MAP3K21: variants seen among roughly 807,000 people sequenced by gnomAD.
The protein encoded by MAP3K21 is mitogen-activated protein kinase kinase kinase MLK4.
A neutral mutation model predicts 86.1 loss-of-function variants in MAP3K21; 63 were observed. The ratio of observed to expected loss-of-function variants is 0.73; its 90% confidence interval spans 0.60 to 0.90. The LOEUF (loss-of-function observed/expected upper bound fraction) is 0.90. MAP3K21 is among the 40% of genes least tolerant of loss of function. The pLI is 0.00. For synonymous variants in MAP3K21, 558 were observed against 564.8 expected (o/e 0.99, Z 0.17); for missense variants, 1,220 against 1,367.7 (o/e 0.89, Z 1.70).
At chr1:233,368,304 C>A (rs778166418) in intron 5 of MAP3K21, among the ~76,000 whole-genome samples, 45 of 152,168 alleles carry the variant, frequency 3.0e-4, no homozygotes, top group Middle Eastern at 6.8e-3. Context: ...CTACCACCAC[C>A]TAGTCTAGTC....
intron 3 of MAP3K21, 29 bp from the exon 4 acceptor site, chr1:233,354,807 G>A (rs573178078): frequency 4.1e-6 from 4 of 980,276 alleles, no homozygotes; most frequent in Non-Finnish European, 5.6e-6. Flanking sequence ...GTTGAGAGAT[G>A]GTATTAATGT....
chr1:233,382,123 T>A (rs1044456891), intron 9 of MAP3K21, among the ~76,000 whole-genome samples, 182 bp from the exon 10 acceptor site: 1 of 152,184 alleles, frequency 6.6e-6, no homozygotes, highest in Non-Finnish European at 1.5e-5. Flanking sequence ...CCTTGGTCCT[T>A]AAGGCCAAGA....
chr1:233,334,960 T>TTCC lies in MAP3K21; in HGVS notation c.805+6128_805+6129insCCT, dbSNP rs370294357. 0.016 allele frequency among the ~76,000 whole-genome samples: 890 copies of TTCC among 57,250 alleles called. 20 individuals carry two copies. The East Asian group carries it at 0.27, about 18-fold the overall frequency. 37.6% of individuals were successfully genotyped at this position (57,250 alleles called of 152,430 possible). A position where few individuals can be genotyped will look rare whatever the true frequency, so the allele number is the denominator to read the frequency against. ...CTACATTTTCTCTCTGATTTCTTTC[T>TTCC]TTCTTTTTTTTTTTTATTATACTTT... is the stretch of plus-strand genomic sequence containing the variant. On this transcript the variant is annotated intron_variant, in intron 1 of 9. Coordinates refer to ENST00000366624, the MANE Select transcript of MAP3K21 (RefSeq NM_032435.3).
chr1:233,359,406 C>A (rs996256219), intron 4 of MAP3K21, among the ~76,000 whole-genome samples: 2 of 151,832 alleles, frequency 1.3e-5, no homozygotes, highest in African/African-American at 4.8e-5. Context: ...ATATATAATG[C>A]TTTTTTTTGG....
intron 4 of MAP3K21, among the ~76,000 whole-genome samples, chr1:233,358,513 A>G (rs1470281829): frequency 6.8e-6 from 1 of 146,822 alleles, no homozygotes; most frequent in Non-Finnish European, 1.5e-5. Context: ...TGTTTTCAGG[A>G]ATTCTAAAAT....
chr1:233,379,652 T>A lies in MAP3K21; in HGVS notation c.2646T>A (p.Ser882=). 1 of 1,613,972 alleles carries A rather than the reference T, an allele frequency of 6.2e-7. No individual in the cohort carries two copies. Among genetic ancestry groups the A allele is most frequent in the Non-Finnish European group, 8.5e-7 (1 of 1,180,020 alleles). The change falls in exon 9 of 10, where the codon TCT becomes TCA. Residue 882 remains serine (S), a synonymous_variant. Coordinates refer to ENST00000366624, the MANE Select transcript of MAP3K21 (RefSeq NM_032435.3). ...QTCGNVPYCA[S]SKHRPSHHRR... ...GTGGGAATGTACCTTACTGTGCTTC[T>A]TCAAAACATAGACCGTCACATCACA...
chr1:233,357,679 G>C (rs1663390455), intron 4 of MAP3K21, among the ~76,000 whole-genome samples: 1 of 152,190 alleles, frequency 6.6e-6, no homozygotes, highest in Admixed American at 6.5e-5. Context: ...GAGAGGATGG[G>C]GGAGCCTGGG....
Position 233,328,639 on chromosome 1 carries a change from G to T in MAP3K21, c.611G>T (p.Arg204Leu). The T allele has an allele frequency of 6.9e-7, 1 of 1,442,522 alleles. No individual in the cohort carries two copies. The allele number at this position is 1,442,522 out of a possible 1,614,324, so 89.4% of individuals were successfully genotyped here. A position where few individuals can be genotyped will look rare whatever the true frequency, so the allele number is the denominator to read the frequency against. Residue 204 changes from arginine to leucine, a missense_variant, in exon 1 of 10, where the codon CGC becomes CTC. Physicochemically the swap from Arg to Leu is moderately radical, Grantham distance 102. This residue lies in a region of MAP3K21 where 369 missense variants were observed against 385.3 expected (regional missense o/e 0.96). Coordinates refer to ENST00000366624, the MANE Select transcript of MAP3K21 (RefSeq NM_032435.3). This position sits in a 1 kb window ranked among gnomAD's most constrained non-coding sequence, Gnocchi z 8.7. ...CTCTGCCTGGTGCTGGAGTTCGCCC[G>T]CGGCGGAGCGCTCAACCGAGCGCTG... ...PHLCLVLEFA[R>L]GGALNRALAA...
At chr1:233,375,672 T>C (rs1481154272) in intron 6 of MAP3K21, 1 of 498,910 alleles carries the variant, frequency 2.0e-6, no homozygotes, top group African/African-American at 2.0e-5. Flanking sequence ...AGTAATCAAA[T>C]CTTTGCTGCT....
chr1:233,350,837 G>A (rs963729137), intron 2 of MAP3K21, among the ~76,000 whole-genome samples: 5 of 152,208 alleles, frequency 3.3e-5, no homozygotes, highest in Middle Eastern at 6.8e-3. Context: ...TCAGGAGAGC[G>A]TTTCATTATA....
chr1:233,350,057 C>G (rs75578324), intron 2 of MAP3K21, among the ~76,000 whole-genome samples: 2 of 152,096 alleles, frequency 1.3e-5, no homozygotes, highest in African/African-American at 4.8e-5. Context: ...CTTGGCATCC[C>G]TCTCCCCTCT....
In MAP3K21 at chr1:233,361,069, A is replaced by G. The variant is rs141158789; in HGVS notation, c.1312-984A>G. The stretch of plus-strand genomic sequence containing the variant: ...TGATTTCTTAGCAGAGTAATTTAGA[A>G]TAGAAACTGGTTCAGCACTGCAAAG... On this transcript the variant is annotated intron_variant, in intron 4 of 9. Transcript: ENST00000366624. Among the ~76,000 whole-genome samples, 378 of 152,352 alleles carry G rather than the reference A, an allele frequency of 2.5e-3. 1 individual carries two copies. The highest frequency in any genetic ancestry group is 4.0e-3 in the Non-Finnish European group (271 of 68,032).
chr1:233,354,706 A>T (rs1558456530), intron 3 of MAP3K21, 130 bp from the exon 4 acceptor site: 1 of 736,092 alleles, frequency 1.4e-6, no homozygotes, highest in Non-Finnish European at 2.3e-6. Flanking sequence ...TCAGGAGCAG[A>T]TACTATAAAT....
intron 1 of MAP3K21, among the ~76,000 whole-genome samples, chr1:233,333,948 C>G (rs542053738): frequency 1.9e-4 from 29 of 152,260 alleles, no homozygotes; most frequent in African/African-American, 7.0e-4. Flanking sequence ...CTGCAAGCTC[C>G]GTCTCCCGGG....
intron 1 of MAP3K21, among the ~76,000 whole-genome samples, chr1:233,345,777 G>A (rs1011092774): frequency 5.9e-5 from 9 of 151,264 alleles, no homozygotes; most frequent in African/African-American, 2.2e-4. Context: ...CACATTTGTT[G>A]TAGTTGCAGA....
intron 6 of MAP3K21, among the ~76,000 whole-genome samples, chr1:233,375,271 G>C (rs1379815266): frequency 1.3e-5 from 2 of 152,086 alleles, no homozygotes; most frequent in Non-Finnish European, 2.9e-5. Flanking sequence ...ACTTAAATTA[G>C]AGGGACAGCA....
At chr1:233,370,900 T>C (rs1663667677) in intron 5 of MAP3K21, among the ~76,000 whole-genome samples, 1 of 152,226 alleles carries the variant, frequency 6.6e-6, no homozygotes, top group South Asian at 2.1e-4. Flanking sequence ...CCTCTGCTCT[T>C]ACCTAGTTAT....
Position 233,382,751 on chromosome 1 carries a change from G to T in MAP3K21, c.*40G>T. On this transcript the variant is annotated 3_prime_UTR_variant, in exon 10 of 10. Transcript: ENST00000366624. ...TGTTGTTTAAGCATTTTTTTAAGGT[G>T]AACAAATGAACACAATGTATCTACC... 6.6e-7 allele frequency: 1 copy of T among 1,522,708 alleles called. No individual in the cohort carries two copies. Among genetic ancestry groups the T allele is most frequent in the South Asian group, 1.2e-5 (1 of 84,494 alleles). 94.3% of individuals were successfully genotyped at this position (1,522,708 alleles called of 1,614,324 possible).
At chr1:233,377,856 C>T (rs1663828439) in intron 8 of MAP3K21, among the ~76,000 whole-genome samples, 1 of 152,156 alleles carries the variant, frequency 6.6e-6, no homozygotes, top group Non-Finnish European at 1.5e-5. Context: ...GAGACAGCAA[C>T]AGATCATCAG....
Sources: gnomAD v4.1 joint callset for allele counts (sites outside exome capture counted in the v4.1 genomes callset) on GRCh38, gnomAD v4.1.1 for gene constraint, gnomAD v4.1.1 regional missense constraint, Gnocchi (gnomAD v3.1) non-coding constraint, MANE v1.5 for transcripts, NCBI Gene and HGNC (gene_info 2026-07-23, HGNC 2026-07-21) for gene names.